Variants in FANCB observed in about 807,000 individuals in gnomAD.
FANCB encodes Fanconi anemia group B protein.
Under a neutral mutation model 38.9 loss-of-function variants are expected in FANCB, and 5 were observed. The observed-to-expected ratio is 0.13, with a 90% confidence interval of 0.07 to 0.27. FANCB has a LOEUF of 0.27. FANCB is among the 10% of genes least tolerant of loss of function. The probability of loss-of-function intolerance (pLI) is 1.00; values close to 1 mark genes in which losing one functional copy is unlikely to be tolerated. For synonymous variants in FANCB, 236 were observed against 215.4 expected (o/e 1.10, Z -0.84); for missense variants, 573 against 602.7 (o/e 0.95, Z 0.52).
the FANCB span, among the ~76,000 whole-genome samples, chrX:14,783,368 G>C: frequency 8.9e-6 from 1 of 111,765 alleles, no homozygotes; most frequent in Non-Finnish European, 1.9e-5. Flanking sequence ...ACTCTGAGGA[G>C]TCCCCTAAAT....
the FANCB span, among the ~76,000 whole-genome samples, chrX:14,726,037 C>T: frequency 1.8e-5 from 2 of 112,134 alleles, no homozygotes; most frequent in Non-Finnish European, 1.9e-5. Flanking sequence ...GAGTTTCTGG[C>T]TAATCAGAAG....
chrX:14,800,695 T>A, the FANCB span, among the ~76,000 whole-genome samples: 1 of 111,586 alleles, frequency 9.0e-6, no homozygotes, highest in African/African-American at 3.3e-5. Flanking sequence ...GAACAGCAGA[T>A]AAACATTTTA....
chrX:14,714,509 A>C, the FANCB span, among the ~76,000 whole-genome samples: 3 of 111,832 alleles, frequency 2.7e-5, no homozygotes, highest in East Asian at 8.4e-4. Context: ...TGTATAGCCC[A>C]ACTCAACTCC....
chrX:14,725,191 T>C, the FANCB span, among the ~76,000 whole-genome samples: 5 of 111,955 alleles, frequency 4.5e-5, no homozygotes, highest in Non-Finnish European at 9.4e-5. Flanking sequence ...TGGTACAGAC[T>C]CTTAATAAAT....
intron 4 of FANCB, among the ~76,000 whole-genome samples, chrX:14,858,272 G>A (rs1230661327): frequency 1.8e-5 from 2 of 110,051 alleles, no homozygotes; most frequent in Non-Finnish European, 3.8e-5. Context: ...GCGCGCACCT[G>A]TAATCCCAGC....
the FANCB span, among the ~76,000 whole-genome samples, chrX:14,736,677 C>T: frequency 8.9e-6 from 1 of 111,776 alleles, no homozygotes; most frequent in African/African-American, 3.3e-5. Flanking sequence ...GGAGCTGTTC[C>T]TATTTGGCCA....
the FANCB span, among the ~76,000 whole-genome samples, chrX:14,830,769 G>A: frequency 3.6e-5 from 4 of 111,314 alleles, no homozygotes; most frequent in South Asian, 1.1e-3. Context: ...CCCCATGTGC[G>A]GTGCCTAAAT....
chrX:14,862,683 C>T (rs747414770), intron 3 of FANCB, among the ~76,000 whole-genome samples: 1 of 112,063 alleles, frequency 8.9e-6, no homozygotes, highest in Non-Finnish European at 1.9e-5. Context: ...CTACTACTAA[C>T]TGAGTTCCTC....
At chrX:14,696,684 C>A in the FANCB span, among the ~76,000 whole-genome samples, 1 of 111,830 alleles carries the variant, frequency 8.9e-6, no homozygotes, top group Non-Finnish European at 1.9e-5. Flanking sequence ...ATGACCTGAG[C>A]TTCAGAGACG....
At chrX:14,806,753 G>A in the FANCB span, among the ~76,000 whole-genome samples, 7 of 111,772 alleles carry the variant, frequency 6.3e-5, no homozygotes, top group Non-Finnish European at 7.5e-5. Context: ...TTGCTATGAA[G>A]TAAATAAATA....
rs111818928 is a variant in FANCB at position 14,868,643 on chromosome X, A to G, written c.-71+280T>C. On this transcript the variant is annotated intron_variant, in intron 2 of 9. Coordinates refer to ENST00000650831, the MANE Select transcript of FANCB (RefSeq NM_001018113.3). ...TCAAAGGGTACAAAGCTACAATTAG[A>G]TAAGAGGAATATGTTCTAGTGTCCT... 7.8e-3 allele frequency among the ~76,000 whole-genome samples: 864 copies of G among 111,407 alleles called. 12 individuals carry two copies. The highest frequency in any genetic ancestry group is 0.026 in the African/African-American group (794 of 30,646).
the FANCB span, among the ~76,000 whole-genome samples, chrX:14,803,574 A>C: frequency 5.3e-5 from 6 of 112,487 alleles, no homozygotes; most frequent in Non-Finnish European, 1.1e-4. Flanking sequence ...TCACCAATGA[A>C]GAAATTACAT....
chrX:14,744,321 C>T, the FANCB span, among the ~76,000 whole-genome samples: 1 of 112,222 alleles, frequency 8.9e-6, no homozygotes, highest in Non-Finnish European at 1.9e-5. Context: ...TGAGACTGAA[C>T]TTAGTTAATT....
At chrX:14,852,551 A>T (rs1375849283) in intron 6 of FANCB, among the ~76,000 whole-genome samples, 1 of 111,679 alleles carries the variant, frequency 9.0e-6, no homozygotes, top group African/African-American at 3.3e-5. Flanking sequence ...AAAAACCCAT[A>T]GCAGTGTAGG....
In FANCB at chrX:14,850,628, T is replaced by G; in HGVS notation, c.1373A>C (p.His458Pro). 8.4e-7 allele frequency: 1 copy of G among 1,192,589 alleles called. No individual in the cohort carries two copies. Among genetic ancestry groups the G allele is most frequent in the East Asian group, 3.0e-5 (1 of 33,719 alleles). ...PLCGEEENSV[H>P]ILDEKLSDNF... ...GTCTGATAACTTTTCATCTAAGATA[T>G]GGACAGAATTTTCTTCTTCACCACA... The change falls in exon 7 of 10, where the codon CAT becomes CCT. Residue 458 changes from histidine (H) to proline (P), a missense_variant. His to Pro is a moderately conservative substitution (Grantham distance 77, BLOSUM62 -2). Coordinates refer to ENST00000650831, the MANE Select transcript of FANCB (RefSeq NM_001018113.3).
chrX:14,755,517 G>C, the FANCB span, among the ~76,000 whole-genome samples: 2 of 111,346 alleles, frequency 1.8e-5, no homozygotes, highest in African/African-American at 3.3e-5. Flanking sequence ...AAACTTAATG[G>C]AAAAGAAACC....
At chrX:14,869,714 C>T (rs1313852292) in intron 1 of FANCB, among the ~76,000 whole-genome samples, 7 of 111,785 alleles carry the variant, frequency 6.3e-5, no homozygotes, top group Non-Finnish European at 1.3e-4. Flanking sequence ...TGAATTACTA[C>T]CTGGAAAAAT....
the FANCB span, among the ~76,000 whole-genome samples, chrX:14,822,682 T>A: frequency 9.0e-6 from 1 of 111,605 alleles, no homozygotes; most frequent in African/African-American, 3.3e-5. Context: ...AGAAGACTTG[T>A]TACTCATTGC....
chrX:14,788,144 A>G, the FANCB span, among the ~76,000 whole-genome samples: 3 of 108,551 alleles, frequency 2.8e-5, no homozygotes, highest in Admixed American at 3.0e-4. Context: ...AGATTCCAGG[A>G]AGCCTGTATT....
Sources: gnomAD v4.1 joint callset for allele counts (sites outside exome capture counted in the v4.1 genomes callset) on GRCh38, gnomAD v4.1.1 for gene constraint, MANE v1.5 for transcripts, NCBI Gene and HGNC (gene_info 2026-07-23, HGNC 2026-07-21) for gene names.